The following ATXN2L variants were observed in gnomAD, a reference collection of about 807,000 sequenced individuals.
ATXN2L encodes the protein ataxin 2 like, also known as ataxin-2-like protein.
Under a neutral mutation model 120.7 loss-of-function variants are expected in ATXN2L, and 24 were observed. The observed-to-expected ratio is 0.20, with a 90% CI of 0.14 to 0.28. The LOEUF is 0.28. Ranked by LOEUF, ATXN2L falls within the 10% of genes least tolerant of loss-of-function variation. The probability of loss-of-function intolerance (pLI) is 1.00; values close to 1 mark genes in which losing one functional copy is unlikely to be tolerated. For synonymous variants in ATXN2L, 653 were observed against 568.1 expected (o/e 1.15, Z -2.13); for missense variants, 1,312 against 1,432.3 (o/e 0.92, Z 1.36).
At position 28,823,256 on chromosome 16, in the gene ATXN2L, C is replaced by A; in HGVS notation, c.-4C>A. 1 of 1,467,914 alleles carries A rather than the reference C, an allele frequency of 6.8e-7. No homozygotes were observed. The allele number at this position is 1,467,914 out of a possible 1,614,324, so 90.9% of individuals were successfully genotyped here. ...CTCTAATTCCCCTTCCGGACGCTGCCATCATGTTGAAGCCTCAGCCGCTAC... is the reference window on the plus strand; with the variant it reads ...CTCTAATTCCCCTTCCGGACGCTGCAATCATGTTGAAGCCTCAGCCGCTAC... On this transcript the variant is annotated 5_prime_UTR_variant, in exon 1 of 22. Transcript: ENST00000336783.
intron 1 of ATXN2L, chr16:28,824,098 T>TGACTGGGAGGACTGCG (rs2050734362): frequency 9.9e-7 from 1 of 1,009,146 alleles, no homozygotes; most frequent in Non-Finnish European, 1.2e-6. Context: ...GAAGGAGGGA[T>TGACTGGGAGGACTGCG]GACTGGGAGG....
chr16:28,829,116 C>A (rs1053817029), intron 6 of ATXN2L, among the ~76,000 whole-genome samples: 3 of 152,134 alleles, frequency 2.0e-5, no homozygotes, highest in African/African-American at 7.2e-5. Context: ...TCTCCTCAAT[C>A]TCCTGAGTAG....
In ATXN2L at chr16:28,823,373, C is replaced by G. The variant is rs762997658; in HGVS notation, c.114C>G (p.Leu38=). 7.4e-7 allele frequency: 1 copy of G among 1,344,850 alleles called. No homozygotes were observed. 83.3% of individuals were successfully genotyped at this position (1,344,850 alleles called of 1,614,324 possible). A position where few individuals can be genotyped will look rare whatever the true frequency, so the allele number is the denominator to read the frequency against. The change falls in exon 1 of 22, where the codon CTC becomes CTG. Residue 38 remains leucine, a synonymous_variant. Transcript: ENST00000336783. ...PGGTSPPNGG[L]PGPLATSAAP... is the part of the protein sequence containing the mutation. Reference sequence around the variant, plus strand: ...GCACCAGCCCTCCCAACGGCGGCCTCCCGGGGCCGCTGGCCACCTCTGCGG... The same window carrying G: ...GCACCAGCCCTCCCAACGGCGGCCTGCCGGGGCCGCTGGCCACCTCTGCGG...
intron 1 of ATXN2L, chr16:28,824,011 A>T: frequency 1.3e-6 from 1 of 747,668 alleles, no homozygotes; most frequent in Non-Finnish European, 1.6e-6. Flanking sequence ...ATGGGGAGGG[A>T]GGGACTTGGG....
chr16:28,823,219 T>G lies in ATXN2L; in HGVS notation c.-41T>G. The stretch of plus-strand genomic sequence containing the variant: ...GGGGCCCCAGCCCCGGCCCCCTCTC[T>G]CCCTCCCTTCTCTCTAATTCCCCTT... On this transcript the variant is annotated 5_prime_UTR_variant, in exon 1 of 22. Coordinates refer to ENST00000336783, the MANE Select transcript of ATXN2L (RefSeq NM_007245.4). 1.6e-6 allele frequency: 2 copies of G among 1,212,410 alleles called. No individual in the cohort carries two copies. The highest frequency in any genetic ancestry group is 2.1e-6 in the Non-Finnish European group (2 of 940,622). 75.1% of individuals were successfully genotyped at this position (1,212,410 alleles called of 1,614,324 possible). A position where few individuals can be genotyped will look rare whatever the true frequency, so the allele number is the denominator to read the frequency against.
Position 28,836,748 on chromosome 16 carries a change from C to A in ATXN2L, c.*483C>A, listed in dbSNP as rs1318745840. 1 of 1,613,970 alleles carries A rather than the reference C, an allele frequency of 6.2e-7. No homozygotes were observed. Among genetic ancestry groups the A allele is most frequent in the Non-Finnish European group, 8.5e-7 (1 of 1,179,998 alleles). On this transcript the variant is annotated 3_prime_UTR_variant, in exon 22 of 22. Transcript: ENST00000336783. ...ACCAGTTCAATCTCATCCCTCCCAG[C>A]AGCTCCCCTTCCACCCCCCGGGGAA...
Position 28,830,444 on chromosome 16 carries a change from G to A in ATXN2L, c.1035-171G>A, listed in dbSNP as rs143738272. 3.3e-5 allele frequency among the ~76,000 whole-genome samples: 5 copies of A among 152,230 alleles called. No individual in the cohort carries two copies. The East Asian group carries it at 5.8e-4, about 18-fold the overall frequency. On this transcript the variant is annotated intron_variant, in intron 8 of 21. Transcript: ENST00000336783. ...TGATGTCACATGAGGTCATAAGTCC[G>A]TAGCCACAGAACGTTAAACTAGGGC...
intron 12 of ATXN2L, 32 bp downstream of exon 12, chr16:28,832,599 A>G (rs1445455986): frequency 7.5e-6 from 12 of 1,602,514 alleles, no homozygotes; most frequent in African/African-American, 1.3e-5. Flanking sequence ...CTGAGGATTA[A>G]TGCTCCTTTG....
Position 28,830,627 on chromosome 16 carries a change from T to C in ATXN2L, c.1047T>C (p.Tyr349=), listed in dbSNP as rs1252618737. 4 of 1,591,980 alleles carry C rather than the reference T, an allele frequency of 2.5e-6. No individual in the cohort carries two copies. Among genetic ancestry groups the C allele is most frequent in the Admixed American group, 1.8e-5 (1 of 54,658 alleles). ...ACTCTTTCCTCAGGGAGGGGAAGTA[T>C]ATCCCTCTGCCTCAACGAGTCCGGG... ...SPSLASREGK[Y]IPLPQRVREG... is the part of the protein sequence containing the mutation. Residue 349 remains tyrosine (Y), a synonymous_variant, in exon 9 of 22, where the codon TAT becomes TAC. Transcript: ENST00000336783.
rs1200639324 is a variant in ATXN2L, at chr16:28,831,489, G to A, written c.1321+417G>A. ...ATTACAGGCACCCACCACCACGGCT[G>A]GCTAATTTTTTTGTATTTTTAGTAG... is the stretch of plus-strand genomic sequence containing the variant. On this transcript the variant is annotated intron_variant, in intron 10 of 21. Coordinates refer to ENST00000336783, the MANE Select transcript of ATXN2L (RefSeq NM_007245.4). 2.0e-5 allele frequency among the ~76,000 whole-genome samples: 3 copies of A among 151,998 alleles called. No homozygotes were observed. In the South Asian group the frequency reaches 6.2e-4, roughly 32 times the overall value.
rs2053656451 is a variant in ATXN2L at position 28,829,733 on chromosome 16, A to G, written c.834-125A>G. On this transcript the variant is annotated intron_variant, in intron 7 of 21. Transcript: ENST00000336783. ...GGGATGCAGTCGGTGCCCGTTACCC[A>G]GATGTTGAAGGGATTAAATACTTCC... is the stretch of plus-strand genomic sequence containing the variant. 3.8e-6 allele frequency: 4 copies of G among 1,042,564 alleles called. No homozygotes were observed. In the Admixed American group the frequency reaches 6.0e-5, roughly 16 times the overall value. The allele number at this position is 1,042,564 out of a possible 1,614,324, so 64.6% of individuals were successfully genotyped here. A position where few individuals can be genotyped will look rare whatever the true frequency, so the allele number is the denominator to read the frequency against.
At position 28,835,673 on chromosome 16, in the gene ATXN2L, G is replaced by A. The variant is rs763039872; in HGVS notation, c.2810G>A (p.Ser937Asn). ...GGACCTTCTGCCCAGTCCCCTCAGAGCAGCTTCCCCCAGCCAGCCGCTGTG... is the reference window on the plus strand; with the variant it reads ...GGACCTTCTGCCCAGTCCCCTCAGAACAGCTTCCCCCAGCCAGCCGCTGTG... ...PPGPSAQSPQ[S>N]SFPQPAAVYA... is the part of the protein sequence containing the mutation. Residue 937 changes from serine to asparagine, a missense_variant, in exon 21 of 22, where the codon AGC becomes AAC. Transcript: ENST00000336783. The A allele has an allele frequency of 1.9e-6, 3 of 1,613,988 alleles. No individual in the cohort carries two copies. The East Asian group carries it at 6.7e-5, about 36-fold the overall frequency.
chr16:28,829,175 T>A (rs527257727), intron 6 of ATXN2L, among the ~76,000 whole-genome samples: 1 of 152,234 alleles, frequency 6.6e-6, no homozygotes, highest in South Asian at 2.1e-4. Context: ...GCTGTTTCAT[T>A]ATTTTTTTCT....
rs1337662423 is a variant in ATXN2L at position 28,823,568 on chromosome 16, G to C, written c.299+10G>C. On this transcript the variant is annotated intron_variant, in intron 1 of 21. Coordinates refer to ENST00000336783, the MANE Select transcript of ATXN2L (RefSeq NM_007245.4). ...CCATCGGCAGCGCCAGGTGAGAAGG[G>C]TGGGCTCCGGGCGAGGGAGCCGCGG... 7.5e-7 allele frequency: 1 copy of C among 1,329,266 alleles called. No individual in the cohort carries two copies. The highest frequency in any genetic ancestry group is 1.5e-5 in the African/African-American group (1 of 64,916). The allele number at this position is 1,329,266 out of a possible 1,614,324, so 82.3% of individuals were successfully genotyped here.
At chr16:28,832,671 A>C (rs1041504671) in intron 12 of ATXN2L, 104 bp downstream of exon 12, 3 of 1,409,028 alleles carry the variant, frequency 2.1e-6, no homozygotes, top group Non-Finnish European at 3.0e-6. Flanking sequence ...AATGTCTATC[A>C]GTCCTTGGAT....
chr16:28,830,659 C>T lies in ATXN2L; in HGVS notation c.1079C>T (p.Pro360Leu). 2 of 1,611,958 alleles carry T rather than the reference C, an allele frequency of 1.2e-6. No individual in the cohort carries two copies. The highest frequency in any genetic ancestry group is 1.7e-6 in the Non-Finnish European group (2 of 1,179,166). ...IPLPQRVREG[P>L]RGGVRCSSSR... Reference sequence around the variant, plus strand: ...CTGCCTCAACGAGTCCGGGAAGGTCCCCGGGGAGGAGTTCGATGCAGCAGC... The same window carrying T: ...CTGCCTCAACGAGTCCGGGAAGGTCTCCGGGGAGGAGTTCGATGCAGCAGC... The change falls in exon 9 of 22, where the codon CCC becomes CTC. Residue 360 changes from proline (P) to leucine (L), a missense_variant. Pro to Leu is a moderately conservative substitution (Grantham distance 98). Transcript: ENST00000336783.
At chr16:28,829,559 C>T in intron 7 of ATXN2L, 67 bp downstream of exon 7, 1 of 1,214,622 alleles carries the variant, frequency 8.2e-7, no homozygotes. Context: ...AGACAGGTTT[C>T]CAGGTAGAAC....
At position 28,835,258 on chromosome 16, in the gene ATXN2L, C is replaced by A; in HGVS notation, c.2564-20C>A. 13 of 1,613,760 alleles carry A rather than the reference C, an allele frequency of 8.1e-6. No individual in the cohort carries two copies. Among genetic ancestry groups the A allele is most frequent in the Non-Finnish European group, 1.1e-5 (13 of 1,179,852 alleles). ...CCCTCTGGTGTGCTCAGCACTGGTT[C>A]TCCCTCTTTCCTGCTGCAGCCACTG... On this transcript the variant is annotated intron_variant, in intron 19 of 21. Coordinates refer to ENST00000336783, the MANE Select transcript of ATXN2L (RefSeq NM_007245.4).
In ATXN2L at chr16:28,833,108, G is replaced by A. The variant is rs150384100; in HGVS notation, c.1709G>A (p.Arg570Gln). The A allele has an allele frequency of 2.3e-5, 37 of 1,614,000 alleles. No individual in the cohort carries two copies. In the African/African-American group the frequency reaches 3.5e-4, roughly 15 times the overall value. The change falls in exon 14 of 22, where the codon CGG becomes CAG. Residue 570 changes from arginine to glutamine, a missense_variant. Arg to Gln is a conservative substitution (Grantham distance 43). Transcript: ENST00000336783. ...AACAGCCTGGATCCTTTTCCTCCCC[G>A]GATCTTAAAGGAGGAGCCCAAAGGA... is the stretch of plus-strand genomic sequence containing the variant. ...PENSLDPFPPRILKEEPKGKE... is the reference protein window; with the variant it reads ...PENSLDPFPPQILKEEPKGKE...
Sources: allele counts gnomAD v4.1 joint callset (sites outside exome capture counted in the v4.1 genomes callset), GRCh38; gene constraint gnomAD v4.1.1; transcripts MANE v1.5; gene names NCBI Gene and HGNC (gene_info 2026-07-23, HGNC 2026-07-21).